The following ABHD12B variants were observed in gnomAD, a reference collection of about 807,000 sequenced individuals.
The protein encoded by ABHD12B is protein ABHD12B.
A neutral mutation model predicts 50.4 loss-of-function variants in ABHD12B; 42 were observed. That is an observed-to-expected ratio of 0.83 (90% CI 0.65 to 1.08). ABHD12B has a LOEUF of 1.08. Ranked by LOEUF, ABHD12B falls within the 50% of genes least tolerant of loss-of-function variation. The pLI, the probability that ABHD12B is intolerant of heterozygous loss-of-function variation, is 0.00. For synonymous variants in ABHD12B, 167 were observed against 160.3 expected, an observed-to-expected ratio of 1.04 and a Z score of -0.32; for missense variants, 479 against 447.7, an observed-to-expected ratio of 1.07 and a Z score of -0.63.
At chr14:50,887,384 G>C (rs1021043027) in intron 8 of ABHD12B, among the ~76,000 whole-genome samples, 3 of 151,610 alleles carry the variant, frequency 2.0e-5, no homozygotes, top group Non-Finnish European at 2.9e-5. Flanking sequence ...CAGAATCTTC[G>C]ACCCTAGCTG....
At chr14:50,886,719 T>A in intron 8 of ABHD12B, 35 bp downstream of exon 8, 1 of 1,576,398 alleles carries the variant, frequency 6.3e-7, no homozygotes, top group Non-Finnish European at 8.7e-7. Context: ...TAATTTCCCA[T>A]CTTCAGATGG....
rs1217655013 is a variant in ABHD12B at position 50,904,734 on chromosome 14, T to C, written c.*368T>C. ...CCCCCCAAATTATGCTGAAACCTAA[T>C]CACCAGTGTGATGGTAATAGGAGGT... On this transcript the variant is annotated 3_prime_UTR_variant, in exon 13 of 13. Transcript: ENST00000337334. The C allele has an allele frequency of 5.9e-6, 2 of 338,758 alleles. No homozygotes were observed. Among genetic ancestry groups the C allele is most frequent in the Non-Finnish European group, 1.1e-5 (2 of 178,374 alleles). 21.0% of individuals were successfully genotyped at this position (338,758 alleles called of 1,614,324 possible).
intron 9 of ABHD12B, among the ~76,000 whole-genome samples, chr14:50,896,336 C>G (rs943501726): frequency 1.3e-5 from 2 of 152,144 alleles, no homozygotes; most frequent in Admixed American, 1.3e-4. Flanking sequence ...TTTCACCGCT[C>G]CAACACTTCA....
chr14:50,904,188 G>GT lies in ABHD12B; in HGVS notation c.1058dup (p.Arg354GlufsTer35). The GT allele has an allele frequency of 1.2e-6, 2 of 1,614,120 alleles. No homozygotes were observed. The highest frequency in any genetic ancestry group is 1.7e-6 in the Non-Finnish European group (2 of 1,179,948). The stretch of plus-strand genomic sequence containing the variant: ...TAAAAGCCCCACACTGTTAATAACC[G>GT]TGAGGTAAGAGTTGCTTTGCTAAAT... On this transcript the variant is annotated frameshift_variant, in exon 12 of 13. Coordinates refer to ENST00000337334, the MANE Select transcript of ABHD12B (RefSeq NM_001206673.2). LOFTEE classifies it high-confidence loss of function.
chr14:50,890,282 A>G (rs750817331), intron 9 of ABHD12B, among the ~76,000 whole-genome samples: 4 of 152,176 alleles, frequency 2.6e-5, no homozygotes, highest in Non-Finnish European at 5.9e-5. Context: ...AAATTTAGCG[A>G]AATAAGGAAA....
chr14:50,893,101 G>A (rs948059556), intron 9 of ABHD12B: 2 of 152,206 alleles, frequency 1.3e-5, no homozygotes, highest in African/African-American at 2.4e-5. Context: ...GTGTTCTGCT[G>A]TTTTTCATGC....
Position 50,872,339 on chromosome 14 carries a change from G to C in ABHD12B, c.104+61G>C, listed in dbSNP as rs1196558165. 6.0e-6 allele frequency: 7 copies of C among 1,175,188 alleles called. No homozygotes were observed. In the East Asian group the frequency reaches 2.0e-4, roughly 33 times the overall value. The allele number at this position is 1,175,188 out of a possible 1,614,324, so 72.8% of individuals were successfully genotyped here. On this transcript the variant is annotated intron_variant, in intron 1 of 12. Transcript: ENST00000337334. ...GACGGCTCAGGCTGCGCGGGGATGGGGCAGGGGGCCAGGGCGCGGCCGAGG... is the reference window on the plus strand; with the variant it reads ...GACGGCTCAGGCTGCGCGGGGATGGCGCAGGGGGCCAGGGCGCGGCCGAGG...
At chr14:50,900,903 G>C (rs1269660483) in intron 9 of ABHD12B, among the ~76,000 whole-genome samples, 1 of 152,234 alleles carries the variant, frequency 6.6e-6, no homozygotes, top group African/African-American at 2.4e-5. Flanking sequence ...AAGCGAAAGA[G>C]TGCTACGATC....
intron 8 of ABHD12B, among the ~76,000 whole-genome samples, chr14:50,887,543 T>G (rs948251920): frequency 6.6e-6 from 1 of 152,146 alleles, no homozygotes; most frequent in African/African-American, 2.4e-5. Context: ...TTATCTGCTT[T>G]TGTGTGTGTG....
chr14:50,886,538 T>C (rs1312965667), intron 7 of ABHD12B, 109 bp from the exon 8 acceptor site: 4 of 999,594 alleles, frequency 4.0e-6, no homozygotes, highest in Non-Finnish European at 6.0e-6. Context: ...TGTGTCTATA[T>C]GCATTTTTCT....
intron 5 of ABHD12B, among the ~76,000 whole-genome samples, chr14:50,884,270 C>T (rs972217483): frequency 3.3e-5 from 5 of 151,624 alleles, no homozygotes; most frequent in Admixed American, 3.3e-4. Flanking sequence ...GTTGTATTGC[C>T]TAGTGGTCCT....
chr14:50,881,196 G>A (rs531933259), intron 4 of ABHD12B, among the ~76,000 whole-genome samples: 1 of 152,220 alleles, frequency 6.6e-6, no homozygotes, highest in African/African-American at 2.4e-5. Flanking sequence ...TGATTATGTT[G>A]GGTGACGATC....
Position 50,880,525 on chromosome 14 carries a change from G to A in ABHD12B, c.409G>A (p.Asp137Asn). The part of the protein sequence containing the change: ...DCCWYEAALR[D>N]GNPIIVYLHG... ...TTGCTGGTATGAAGCAGCCCTTCGT[G>A]ATGGGAACCCAATTATTGTTTATCT... Residue 137 changes from aspartate to asparagine, a missense_variant, in exon 4 of 13, where the codon GAT becomes AAT. Physicochemically the swap from Asp to Asn is conservative, Grantham distance 23. Coordinates refer to ENST00000337334, the MANE Select transcript of ABHD12B (RefSeq NM_001206673.2). The A allele has an allele frequency of 6.2e-7, 1 of 1,608,172 alleles. No individual in the cohort carries two copies. Among genetic ancestry groups the A allele is most frequent in the Non-Finnish European group, 8.5e-7 (1 of 1,176,890 alleles).
chr14:50,903,489 G>T, intron 11 of ABHD12B, 22 bp downstream of exon 11: 3 of 1,590,106 alleles, frequency 1.9e-6, no homozygotes, highest in South Asian at 2.2e-5. Flanking sequence ...GCTCAATGCT[G>T]ACTGAAATAT....
At chr14:50,903,295 C>A in intron 10 of ABHD12B, 94 bp from the exon 11 acceptor site, 2 of 882,696 alleles carry the variant, frequency 2.3e-6, no homozygotes, top group Admixed American at 2.5e-5. Context: ...GTAATTTAGA[C>A]AGGCCTCATG....
At chr14:50,873,613 T>C (rs1189723831) in intron 1 of ABHD12B, among the ~76,000 whole-genome samples, 1 of 152,144 alleles carries the variant, frequency 6.6e-6, no homozygotes, top group African/African-American at 2.4e-5. Context: ...CAGCTCTGGG[T>C]TGGATCTGAA....
In ABHD12B at chr14:50,904,107, A is replaced by G; in HGVS notation, c.976A>G (p.Lys326Glu). The change falls in exon 12 of 13, where the codon AAA (lysine) becomes GAA (glutamate). Residue 326 changes from lysine to glutamate, a missense_variant. Transcript: ENST00000337334. ...YEIARNAYRN[K>E]ERVKMVIFPP... The stretch of plus-strand genomic sequence containing the variant: ...AATTGCACGCAATGCATACAGGAAC[A>G]AAGAGAGGGTCAAGATGGTTATCTT... 1 of 1,614,094 alleles carries G rather than the reference A, an allele frequency of 6.2e-7. No individual in the cohort carries two copies. Among genetic ancestry groups the G allele is most frequent in the Non-Finnish European group, 8.5e-7 (1 of 1,179,978 alleles).
intron 5 of ABHD12B, among the ~76,000 whole-genome samples, chr14:50,882,719 G>C (rs754858928): frequency 2.0e-5 from 3 of 152,016 alleles, no homozygotes; most frequent in Non-Finnish European, 2.9e-5. Flanking sequence ...GCTGGGTGCA[G>C]TGGTTCACGC....
chr14:50,878,876 C>CT (rs761935580), intron 3 of ABHD12B, 29 bp downstream of exon 3: 2 of 1,577,260 alleles, frequency 1.3e-6, no homozygotes, highest in Non-Finnish European at 1.7e-6. Flanking sequence ...CACCGGGTTG[C>CT]TTGATGGGGC....
Sources: allele counts gnomAD v4.1 joint callset (sites outside exome capture counted in the v4.1 genomes callset), GRCh38; gene constraint gnomAD v4.1.1; transcripts MANE v1.5; gene names NCBI Gene and HGNC (gene_info 2026-07-23, HGNC 2026-07-21).